The following ASCC3 variants were observed in gnomAD, a reference collection of about 807,000 sequenced individuals.
The protein encoded by ASCC3 is activating signal cointegrator 1 complex subunit 3, also known as ASC-1 complex subunit P200.
In ASCC3, 158 loss-of-function variants were observed where a neutral mutation model predicts 256.3. The observed-to-expected ratio is 0.62, with a 90% CI of 0.54 to 0.70. The LOEUF (loss-of-function observed/expected upper bound fraction) is 0.70. Among genes scored for constraint, ASCC3 ranks in the 30% least tolerant of loss-of-function variants. ASCC3 has a pLI of 0.00. For synonymous variants in ASCC3, 948 were observed against 883.4 expected (o/e 1.07, Z -1.30); for missense variants, 2,259 against 2,626.0 (o/e 0.86, Z 3.05).
chr6:100,763,562 G>C (rs1781509677), intron 10 of ASCC3, among the ~76,000 whole-genome samples: 1 of 152,156 alleles, frequency 6.6e-6, no homozygotes, highest in Non-Finnish European at 1.5e-5. Flanking sequence ...AAAAGCTGAA[G>C]GCGGCTAATT....
At chr6:100,690,383 G>A (rs1777786549) in intron 13 of ASCC3, among the ~76,000 whole-genome samples, 1 of 152,016 alleles carries the variant, frequency 6.6e-6, no homozygotes, top group Admixed American at 6.6e-5. Flanking sequence ...CAACTGTAAT[G>A]TACTACTGAA....
chr6:100,692,864 A>G (rs915053969), intron 13 of ASCC3, among the ~76,000 whole-genome samples: 1 of 152,208 alleles, frequency 6.6e-6, no homozygotes, highest in East Asian at 1.9e-4. Context: ...TAATGACAAG[A>G]TCAACATAAT....
At chr6:100,630,341 C>T (rs745454773) in intron 26 of ASCC3, among the ~76,000 whole-genome samples, 2 of 152,048 alleles carry the variant, frequency 1.3e-5, no homozygotes, top group African/African-American at 4.8e-5. Context: ...ACTATATTCA[C>T]ATGGTTCAAA....
intron 3 of ASCC3, among the ~76,000 whole-genome samples, chr6:100,851,798 T>C (rs1231466458): frequency 6.6e-6 from 1 of 152,176 alleles, no homozygotes; most frequent in Non-Finnish European, 1.5e-5. Flanking sequence ...CACTATTTGT[T>C]AACATGGATG....
chr6:100,645,588 ACTTC>A (rs1020509993), intron 22 of ASCC3, among the ~76,000 whole-genome samples: 30 of 152,306 alleles, frequency 2.0e-4, no homozygotes, highest in African/African-American at 7.0e-4. Context: ...ATAAATAGTG[ACTTC>A]CTTGTTTTCC....
At chr6:100,588,734 G>GA (rs1308994343) in intron 36 of ASCC3, among the ~76,000 whole-genome samples, 3 of 151,992 alleles carry the variant, frequency 2.0e-5, no homozygotes, top group Non-Finnish European at 4.4e-5. Flanking sequence ...TCTTGTAGGG[G>GA]AAAAAACTGA....
chr6:100,839,790 T>A (rs1772051022), intron 4 of ASCC3, among the ~76,000 whole-genome samples: 1 of 152,262 alleles, frequency 6.6e-6, no homozygotes, highest in Admixed American at 6.5e-5. Context: ...CATATACAGC[T>A]CTTCGAGTAT....
At chr6:100,627,818 A>T (rs375346655) in intron 28 of ASCC3, 24 bp downstream of exon 28, 1 of 1,613,266 alleles carries the variant, frequency 6.2e-7, no homozygotes, top group South Asian at 1.1e-5. Flanking sequence ...AAATAAATGC[A>T]TAATTTATCA....
At chr6:100,677,190 T>TA (rs1336402877) in intron 14 of ASCC3, among the ~76,000 whole-genome samples, 1 of 152,136 alleles carries the variant, frequency 6.6e-6, no homozygotes, top group Non-Finnish European at 1.5e-5. Context: ...GGAATACTCT[T>TA]AAATTCTAGA....
intron 30 of ASCC3, among the ~76,000 whole-genome samples, chr6:100,616,603 GT>G (rs1340052984): frequency 3.9e-5 from 6 of 151,992 alleles, no homozygotes; most frequent in African/African-American, 1.4e-4. Flanking sequence ...TTTTTCCATG[GT>G]TTGCTCCAGT....
At chr6:100,565,038 T>C (rs1770159727) in intron 36 of ASCC3, among the ~76,000 whole-genome samples, 1 of 152,326 alleles carries the variant, frequency 6.6e-6, no homozygotes, top group Non-Finnish European at 1.5e-5. Context: ...TATTAAATAA[T>C]GTAATATTTG....
intron 8 of ASCC3, among the ~76,000 whole-genome samples, chr6:100,782,922 G>A (rs948180245): frequency 6.6e-6 from 1 of 151,884 alleles, no homozygotes; most frequent in African/African-American, 2.4e-5. Context: ...AAAGAAGTCA[G>A]GGACCTGGGA....
chr6:100,657,146 G>A (rs239231), intron 16 of ASCC3, among the ~76,000 whole-genome samples: 84,902 of 150,690 alleles, frequency 0.56, 24,119 homozygotes, highest in East Asian at 0.72. Flanking sequence ...TTTCATTATA[G>A]TATTATGATA....
chr6:100,874,186 G>A (rs1773877663), intron 1 of ASCC3, among the ~76,000 whole-genome samples: 1 of 152,082 alleles, frequency 6.6e-6, no homozygotes. Flanking sequence ...TTGCATTTTA[G>A]GCTGGGCGCG....
chr6:100,512,775 T>A lies in ASCC3; in HGVS notation c.6219A>T (p.Lys2073Asn), dbSNP rs779540256. 2 of 1,614,182 alleles carry A rather than the reference T, an allele frequency of 1.2e-6. No individual in the cohort carries two copies. Among genetic ancestry groups the A allele is most frequent in the Non-Finnish European group, 1.7e-6 (2 of 1,180,018 alleles). Reference sequence around the variant, plus strand: ...GCACATACTCTTGGTCAGCATGCAATTTGATCCATTTGTTGTCATCTCGTT... The same window carrying A: ...GCACATACTCTTGGTCAGCATGCAAATTGATCCATTTGTTGTCATCTCGTT... Reference protein sequence around the residue: ...ADKRDDNKWIKLHADQEYVLQ... With the variant: ...ADKRDDNKWINLHADQEYVLQ... Residue 2073 changes from lysine to asparagine, a missense_variant, in exon 40 of 42, where the codon AAA (lysine) becomes AAT (asparagine). Lys to Asn is a moderately conservative substitution (Grantham distance 94). Transcript: ENST00000369162.
chr6:100,590,284 C>G (rs566660421), intron 34 of ASCC3, among the ~76,000 whole-genome samples: 28 of 152,154 alleles, frequency 1.8e-4, no homozygotes, highest in African/African-American at 6.7e-4. Flanking sequence ...TAAATGTCAT[C>G]CTAATGACTA....
chr6:100,617,067 C>T (rs368663165), intron 30 of ASCC3, among the ~76,000 whole-genome samples: 13 of 152,072 alleles, frequency 8.5e-5, no homozygotes, highest in Middle Eastern at 6.8e-3. Context: ...TGCAGTGGCG[C>T]GATCTTGGCT....
chr6:100,511,835 A>G (rs1260572316), intron 40 of ASCC3, among the ~76,000 whole-genome samples: 1 of 152,188 alleles, frequency 6.6e-6, no homozygotes, highest in Non-Finnish European at 1.5e-5. Context: ...CAATACTGAA[A>G]GAACATCTTA....
intron 37 of ASCC3, among the ~76,000 whole-genome samples, chr6:100,524,222 G>T (rs2114627832): frequency 6.6e-6 from 1 of 151,806 alleles, no homozygotes; most frequent in Non-Finnish European, 1.5e-5. Context: ...AATCTGAGGT[G>T]GCTTACATCT....
Sources: gnomAD v4.1 joint callset for allele counts (sites outside exome capture counted in the v4.1 genomes callset) on GRCh38, gnomAD v4.1.1 for gene constraint, MANE v1.5 for transcripts, NCBI Gene and HGNC (gene_info 2026-07-23, HGNC 2026-07-21) for gene names.